The following PAX7 variants were observed in gnomAD, a reference collection of about 807,000 sequenced individuals.
The protein encoded by PAX7 is paired box protein Pax-7.
Under a neutral mutation model 50.7 loss-of-function variants are expected in PAX7, and 18 were observed. That is an observed-to-expected ratio of 0.36 (90% CI 0.25 to 0.53). The LOEUF (loss-of-function observed/expected upper bound fraction) is 0.53. Ranked by LOEUF, PAX7 falls within the 20% of genes least tolerant of loss-of-function variation. The probability of loss-of-function intolerance (pLI) is 0.93; values close to 1 mark genes in which losing one functional copy is unlikely to be tolerated. For synonymous variants in PAX7, 310 were observed against 290.4 expected (o/e 1.07, Z -0.69); for missense variants, 644 against 702.9 (o/e 0.92, Z 0.95).
intron 4 of PAX7, among the ~76,000 whole-genome samples, chr1:18,642,649 C>G (rs1010553464): frequency 2.0e-5 from 3 of 152,130 alleles, no homozygotes; most frequent in Non-Finnish European, 4.4e-5. Flanking sequence ...TCCCCTTCCC[C>G]CAACTCTGGC....
rs147209550 is a variant in PAX7, at chr1:18,721,174, C to T, written c.1156-14458C>T. Among the ~76,000 whole-genome samples, 1,005 of 152,242 alleles carry T rather than the reference C, an allele frequency of 6.6e-3. 9 individuals carry two copies. Among genetic ancestry groups the T allele is most frequent in the Middle Eastern group, 0.01 (3 of 294 alleles). On this transcript the variant is annotated intron_variant, in intron 7 of 8. Coordinates refer to ENST00000420770, the MANE Select transcript of PAX7 (RefSeq NM_001135254.2). ...CTTTTCCCATGCACAGGGGGCTGCC[C>T]GGGCCTGAACCCCAGATGCCCTGGC...
At chr1:18,680,138 C>G (rs1223697944) in intron 4 of PAX7, among the ~76,000 whole-genome samples, 1 of 152,128 alleles carries the variant, frequency 6.6e-6, no homozygotes, top group Non-Finnish European at 1.5e-5. Context: ...TAGTGGGGGG[C>G]TGGGACAGTT....
At chr1:18,666,056 C>A (rs961466296) in intron 4 of PAX7, among the ~76,000 whole-genome samples, 18 of 152,276 alleles carry the variant, frequency 1.2e-4, no homozygotes, top group Admixed American at 1.0e-3. Context: ...AGCCTGTAAT[C>A]CTAGCACCTC....
At chr1:18,706,135 C>G (rs1282478582) in intron 7 of PAX7, among the ~76,000 whole-genome samples, 1 of 152,198 alleles carries the variant, frequency 6.6e-6, no homozygotes, top group Admixed American at 6.5e-5. Flanking sequence ...ACTGCCCTCC[C>G]TCCTCACTCT....
chr1:18,676,997 C>T (rs1475406419), intron 4 of PAX7, among the ~76,000 whole-genome samples: 4 of 152,326 alleles, frequency 2.6e-5, no homozygotes, highest in Middle Eastern at 6.8e-3. Flanking sequence ...CCCAAGCCCC[C>T]TCGTCTTTAC....
chr1:18,646,324 G>C (rs1355764053), intron 4 of PAX7, among the ~76,000 whole-genome samples: 1 of 151,958 alleles, frequency 6.6e-6, no homozygotes, highest in East Asian at 1.9e-4. Context: ...AGGGGACACA[G>C]AGAGGTTTGC....
rs189068416 is a variant in PAX7, at chr1:18,678,583, T to G, written c.587-13171T>G. On this transcript the variant is annotated intron_variant, in intron 4 of 8. Transcript: ENST00000420770. ...CTCAGTTTGATGGGGAGATGGACTT[T>G]CCACACATATCCACTAAAAGCTAAT... Among the ~76,000 whole-genome samples the G allele has an allele frequency of 9.0e-4, 137 of 152,238 alleles. 1 individual carries two copies. The highest frequency in any genetic ancestry group is 5.8e-3 in the South Asian group (28 of 4,826).
At chr1:18,651,582 C>A (rs2088431908) in intron 4 of PAX7, among the ~76,000 whole-genome samples, 2 of 152,152 alleles carry the variant, frequency 1.3e-5, no homozygotes, top group Admixed American at 6.5e-5. Context: ...GGTGTCACAT[C>A]TGCTTAACTT....
At chr1:18,668,167 G>C (rs570176155) in intron 4 of PAX7, among the ~76,000 whole-genome samples, 34 of 152,154 alleles carry the variant, frequency 2.2e-4, no homozygotes, top group South Asian at 4.1e-4. Context: ...ATTTTTTAAA[G>C]CTCCTTGAGT....
intron 7 of PAX7, among the ~76,000 whole-genome samples, chr1:18,715,791 G>A (rs1163156215): frequency 6.6e-6 from 1 of 152,222 alleles, no homozygotes; most frequent in African/African-American, 2.4e-5. Context: ...AGCATAATAT[G>A]AGGTAGCTGT....
intron 5 of PAX7, among the ~76,000 whole-genome samples, chr1:18,692,900 A>AG (rs1449541784): frequency 6.6e-6 from 1 of 152,116 alleles, no homozygotes; most frequent in Non-Finnish European, 1.5e-5. Context: ...CAGTGGGTTG[A>AG]GGGGCAAAGG....
chr1:18,733,775 G>A (rs1353366088), intron 7 of PAX7, among the ~76,000 whole-genome samples: 2 of 152,206 alleles, frequency 1.3e-5, no homozygotes, highest in Non-Finnish European at 2.9e-5. Flanking sequence ...AAAGTGATCA[G>A]ATGCCTCAAC....
At chr1:18,667,649 GT>G (rs2088690199) in intron 4 of PAX7, among the ~76,000 whole-genome samples, 1 of 152,090 alleles carries the variant, frequency 6.6e-6, no homozygotes, top group African/African-American at 2.4e-5. Flanking sequence ...GGAATCCTGG[GT>G]TTAAGGGGGT....
intron 4 of PAX7, among the ~76,000 whole-genome samples, chr1:18,652,324 C>T (rs1214766252): frequency 6.6e-6 from 1 of 152,032 alleles, no homozygotes; most frequent in South Asian, 2.1e-4. Flanking sequence ...TGAGAACCCA[C>T]TATGTGCCAG....
At chr1:18,672,595 T>TG (rs1002341422) in intron 4 of PAX7, among the ~76,000 whole-genome samples, 1 of 143,056 alleles carries the variant, frequency 7.0e-6, no homozygotes, top group Non-Finnish European at 1.5e-5. Flanking sequence ...GAGAGCACTG[T>TG]GTTTTTTTTT....
intron 4 of PAX7, among the ~76,000 whole-genome samples, chr1:18,640,890 A>G (rs1436606681): frequency 6.8e-6 from 1 of 146,610 alleles, no homozygotes; most frequent in Non-Finnish European, 1.5e-5. Context: ...GGAGCTGGGA[A>G]CGTCCCGGCG....
intron 4 of PAX7, among the ~76,000 whole-genome samples, chr1:18,689,122 G>C (rs1345200482): frequency 6.6e-6 from 1 of 151,984 alleles, no homozygotes; most frequent in Non-Finnish European, 1.5e-5. Context: ...CTGAGCTCAA[G>C]TGTCCTCACT....
At chr1:18,653,958 G>T (rs1237775371) in intron 4 of PAX7, among the ~76,000 whole-genome samples, 1 of 152,122 alleles carries the variant, frequency 6.6e-6, no homozygotes, top group Non-Finnish European at 1.5e-5. Flanking sequence ...TCTCGTTCTG[G>T]TGTCTCAGCT....
intron 4 of PAX7, among the ~76,000 whole-genome samples, chr1:18,685,817 C>T (rs1362532048): frequency 1.3e-5 from 2 of 152,096 alleles, no homozygotes; most frequent in South Asian, 4.2e-4. Context: ...TTCCAGAGGT[C>T]AGTAGCTGTG....
Sources: gnomAD v4.1 joint callset for allele counts (sites outside exome capture counted in the v4.1 genomes callset) on GRCh38, gnomAD v4.1.1 for gene constraint, MANE v1.5 for transcripts, NCBI Gene and HGNC (gene_info 2026-07-23, HGNC 2026-07-21) for gene names.